The following LRRC37A2 variants were observed in gnomAD, a reference collection of about 807,000 sequenced individuals.
LRRC37A2 encodes the protein leucine rich repeat containing 37 member A2.
LRRC37A2 carries 9 observed loss-of-function variants against 68.8 expected under a neutral mutation model. That is an observed-to-expected ratio of 0.13 (90% CI 0.08 to 0.23). The LOEUF is 0.23. Among genes scored for constraint, LRRC37A2 ranks in the 10% least tolerant of loss-of-function variants. LRRC37A2 has a pLI of 1.00. For synonymous variants in LRRC37A2, 63 were observed against 367.6 expected (o/e 0.17, Z 9.48); for missense variants, 168 against 950.4 (o/e 0.18, Z 10.82).
At chr17:46,938,807 G>A in the LRRC37A2 span, 14 of 1,609,828 alleles carry the variant, frequency 8.7e-6, no homozygotes, top group African/African-American at 5.4e-5. Flanking sequence ...GCCTGCAAGT[G>A]TGTGTGTGTG....
At chr17:47,012,384 T>C in the LRRC37A2 span, among the ~76,000 whole-genome samples, 1 of 151,912 alleles carries the variant, frequency 6.6e-6, no homozygotes. Context: ...AATAGATAAA[T>C]TGCATATCAT....
the LRRC37A2 span, among the ~76,000 whole-genome samples, chr17:46,569,121 T>C: frequency 6.6e-6 from 1 of 150,626 alleles, no homozygotes; most frequent in Non-Finnish European, 1.5e-5. Context: ...TTTTTTTGCA[T>C]ATTTTTAGTA....
the LRRC37A2 span, among the ~76,000 whole-genome samples, chr17:46,870,049 A>G: frequency 6.6e-6 from 1 of 152,220 alleles, no homozygotes; most frequent in Non-Finnish European, 1.5e-5. Context: ...TACTGTAGCT[A>G]TAATGATATA....
chr17:46,388,411 A>G, the LRRC37A2 span, among the ~76,000 whole-genome samples: 1 of 68,948 alleles, frequency 1.5e-5, no homozygotes, highest in African/African-American at 4.3e-5. Context: ...AAAAAAAAAA[A>G]ATTAGCCGGG....
At chr17:46,996,590 G>T in the LRRC37A2 span, among the ~76,000 whole-genome samples, 1 of 152,218 alleles carries the variant, frequency 6.6e-6, no homozygotes, top group Non-Finnish European at 1.5e-5. Context: ...GGGCCCCTAG[G>T]CCTGGTTTTG....
chr17:46,865,221 C>G, the LRRC37A2 span, among the ~76,000 whole-genome samples: 4 of 152,202 alleles, frequency 2.6e-5, no homozygotes, highest in Admixed American at 1.3e-4. Context: ...ACTCTAAATG[C>G]CGGGGATTGT....
chr17:46,390,409 G>C, the LRRC37A2 span, among the ~76,000 whole-genome samples: 1 of 113,254 alleles, frequency 8.8e-6, no homozygotes, highest in Non-Finnish European at 2.1e-5. Flanking sequence ...GTATTTGACA[G>C]CCAGGCACGG....
chr17:46,876,133 G>T, the LRRC37A2 span: 1 of 1,029,604 alleles, frequency 9.7e-7, no homozygotes. Flanking sequence ...TGAGACCCTG[G>T]GTCTCTTTCC....
At chr17:46,915,889 A>T in the LRRC37A2 span, among the ~76,000 whole-genome samples, 6 of 152,316 alleles carry the variant, frequency 3.9e-5, no homozygotes, top group African/African-American at 1.4e-4. Flanking sequence ...CTGATTGGCT[A>T]ATTTGGGGTG....
chr17:46,818,824 C>T, the LRRC37A2 span: 2 of 596,002 alleles, frequency 3.4e-6, no homozygotes, highest in South Asian at 4.0e-5. Flanking sequence ...AGAGATGAGT[C>T]TGTAGTTCAG....
intron 2 of LRRC37A2, among the ~76,000 whole-genome samples, chr17:46,516,434 GA>G (rs1384826705): frequency 6.9e-6 from 1 of 145,194 alleles, no homozygotes; most frequent in African/African-American, 2.6e-5. Context: ...GAGGTGTGGA[GA>G]TGCTACATGG....
At chr17:46,657,971 T>TTTA in the LRRC37A2 span, among the ~76,000 whole-genome samples, 24 of 11,564 alleles carry the variant, frequency 2.1e-3, 3 homozygotes, top group Non-Finnish European at 0.011. Flanking sequence ...ATTTTATTTA[T>TTTA]TTTTTTTTTT....
At chr17:46,800,882 C>T in the LRRC37A2 span, among the ~76,000 whole-genome samples, 1 of 152,252 alleles carries the variant, frequency 6.6e-6, no homozygotes, top group Non-Finnish European at 1.5e-5. Context: ...GAAGTGATGG[C>T]TGAACTATGA....
chr17:46,782,397 G>C, the LRRC37A2 span, among the ~76,000 whole-genome samples: 1 of 152,152 alleles, frequency 6.6e-6, no homozygotes, highest in African/African-American at 2.4e-5. Flanking sequence ...CCCACAACAG[G>C]CCAGGGCCAG....
chr17:47,007,713 T>C, the LRRC37A2 span: 1 of 152,156 alleles, frequency 6.6e-6, no homozygotes, highest in South Asian at 2.1e-4. Context: ...TAATGTATTT[T>C]GTAAATGGAA....
the LRRC37A2 span, among the ~76,000 whole-genome samples, chr17:46,893,221 A>G: frequency 6.6e-6 from 1 of 152,166 alleles, no homozygotes; most frequent in African/African-American, 2.4e-5. Context: ...GGCATGAGCC[A>G]CCGCGCTTGG....
the LRRC37A2 span, chr17:46,818,818 A>T: frequency 3.3e-6 from 2 of 611,328 alleles, no homozygotes; most frequent in South Asian, 1.9e-5. Context: ...AAGGTAAGAG[A>T]TGAGTCTGTA....
chr17:46,667,404 C>A, the LRRC37A2 span, among the ~76,000 whole-genome samples: 1 of 147,558 alleles, frequency 6.8e-6, no homozygotes, highest in Non-Finnish European at 1.5e-5. Flanking sequence ...CCTTTCAATA[C>A]TAAAATGTAC....
At chr17:46,716,921 A>C in the LRRC37A2 span, among the ~76,000 whole-genome samples, 1 of 152,222 alleles carries the variant, frequency 6.6e-6, no homozygotes, top group African/African-American at 2.4e-5. Flanking sequence ...AGCTAATCTG[A>C]ACATTATTTT....
Sources: gnomAD v4.1 joint callset for allele counts (sites outside exome capture counted in the v4.1 genomes callset) on GRCh38, gnomAD v4.1.1 for gene constraint, MANE v1.5 for transcripts, NCBI Gene and HGNC (gene_info 2026-07-23, HGNC 2026-07-21) for gene names.